Variants in PTPN21 observed in about 807,000 individuals in gnomAD.
PTPN21 encodes the protein protein tyrosine phosphatase non-receptor type 21.
A neutral mutation model predicts 131.8 loss-of-function variants in PTPN21; 77 were observed. The observed-to-expected ratio is 0.58, with a 90% CI of 0.49 to 0.71. The LOEUF (loss-of-function observed/expected upper bound fraction) is 0.71, where lower values mean the gene tolerates loss of function less well. Among genes scored for constraint, PTPN21 ranks in the 30% least tolerant of loss-of-function variants. The pLI is 0.00. For synonymous variants in PTPN21, 715 were observed against 621.3 expected, an observed-to-expected ratio of 1.15 and a Z score of -2.24; for missense variants, 1,552 against 1,527.1, an observed-to-expected ratio of 1.02 and a Z score of -0.27.
At chr14:88,474,131 C>CCAAAAAAAAAAAAAAAAA (rs1555382614) in intron 13 of PTPN21, among the ~76,000 whole-genome samples, 3 of 46,684 alleles carry the variant, frequency 6.4e-5, no homozygotes, top group African/African-American at 2.4e-4. Flanking sequence ...AGCTGAAGTC[C>CCAAAAAAAAAAAAAAAAA]AAAAAAAAAA....
At chr14:88,550,183 G>A in intron 2 of PTPN21, 55 bp downstream of exon 2, 1 of 1,541,670 alleles carries the variant, frequency 6.5e-7, no homozygotes, top group East Asian at 2.3e-5. Flanking sequence ...CAAAGTGCTG[G>A]GATTACAGGC....
intron 2 of PTPN21, among the ~76,000 whole-genome samples, chr14:88,519,691 GA>G (rs1315239099): frequency 3.9e-5 from 6 of 152,096 alleles, no homozygotes; most frequent in African/African-American, 1.4e-4. Flanking sequence ...AATTCAACAA[GA>G]GTGAAGAATG....
At chr14:88,549,061 C>A (rs1225358043) in intron 2 of PTPN21, among the ~76,000 whole-genome samples, 2 of 152,204 alleles carry the variant, frequency 1.3e-5, no homozygotes, top group African/African-American at 2.4e-5. Context: ...AGAACTCAAA[C>A]TGAGTTCAGG....
At chr14:88,524,369 G>A (rs2078444448) in intron 2 of PTPN21, among the ~76,000 whole-genome samples, 2 of 152,010 alleles carry the variant, frequency 1.3e-5, no homozygotes. Context: ...CAGTTAGTGG[G>A]GAAAAGAATA....
At chr14:88,537,123 T>G (rs910112963) in intron 2 of PTPN21, among the ~76,000 whole-genome samples, 3 of 152,202 alleles carry the variant, frequency 2.0e-5, no homozygotes, top group Non-Finnish European at 4.4e-5. Context: ...TATACTCTAT[T>G]ACAACTAAAT....
chr14:88,494,049 T>C (rs1164501956), intron 10 of PTPN21, among the ~76,000 whole-genome samples: 4 of 151,776 alleles, frequency 2.6e-5, no homozygotes, highest in Non-Finnish European at 4.4e-5. Context: ...CAAACAAATA[T>C]AGAAATTCAC....
chr14:88,486,054 G>T (rs2077727457), intron 10 of PTPN21, among the ~76,000 whole-genome samples: 1 of 151,334 alleles, frequency 6.6e-6, no homozygotes, highest in African/African-American at 2.5e-5. Context: ...AACCTGCCCT[G>T]TGGTTTCAGG....
rs182100595 is a variant in PTPN21 at position 88,483,542 on chromosome 14, A to C, written c.1078+1534T>G. The stretch of plus-strand genomic sequence containing the variant: ...CTTTTACACCAGGGCCGACACAAAC[A>C]ATACAGTCACATCCCACCTTCTGGT... On this transcript the variant is annotated intron_variant, in intron 12 of 18. Coordinates refer to ENST00000556564, the MANE Select transcript of PTPN21 (RefSeq NM_007039.4). Among the ~76,000 whole-genome samples, 161 of 152,196 alleles carry C rather than the reference A, an allele frequency of 1.1e-3. 2 individuals are homozygous for C. In the East Asian group the frequency reaches 0.023, roughly 22 times the overall value.
chr14:88,471,122 T>A (rs1436307286), intron 15 of PTPN21, among the ~76,000 whole-genome samples: 1 of 152,164 alleles, frequency 6.6e-6, no homozygotes, highest in South Asian at 2.1e-4. Flanking sequence ...CAAAATAGTA[T>A]GTGCATAGAT....
chr14:88,550,145 C>G (rs1369432624), intron 2 of PTPN21, 93 bp downstream of exon 2: 1 of 1,326,366 alleles, frequency 7.5e-7, no homozygotes, highest in Non-Finnish European at 1.0e-6. Flanking sequence ...AACTCCTGAC[C>G]TCAGGTGATC....
intron 2 of PTPN21, among the ~76,000 whole-genome samples, chr14:88,520,046 TG>T (rs1296104928): frequency 6.6e-6 from 1 of 152,180 alleles, no homozygotes; most frequent in Non-Finnish European, 1.5e-5. Flanking sequence ...AGGTATTTCT[TG>T]GGTCCTTTAA....
rs1408576877 is a variant in PTPN21 at position 88,550,381 on chromosome 14, G to A, written c.37C>T (p.Arg13Trp). 1.2e-6 allele frequency: 2 copies of A among 1,613,946 alleles called. No homozygotes were observed. Among genetic ancestry groups the A allele is most frequent in the Non-Finnish European group, 1.7e-6 (2 of 1,179,978 alleles). ...LPFGLKLKRT[R>W]RYTVSSKSCL... is the part of the protein sequence containing the mutation. ...CTCTTGCTGGACACCGTGTAGCGCCGGGTGCGTTTCAGTTTCAACCCAAAT... is the reference window on the plus strand; with the variant it reads ...CTCTTGCTGGACACCGTGTAGCGCCAGGTGCGTTTCAGTTTCAACCCAAAT... Residue 13 changes from arginine to tryptophan, a missense_variant, in exon 2 of 19, where the codon CGG becomes TGG. Transcript: ENST00000556564.
intron 10 of PTPN21, chr14:88,493,286 T>G (rs566827757): frequency 3.0e-6 from 1 of 335,818 alleles, no homozygotes. Flanking sequence ...ACTTTCAGAG[T>G]GGTGTCAAGG....
chr14:88,544,827 T>C (rs569641263), intron 2 of PTPN21, among the ~76,000 whole-genome samples: 1 of 152,174 alleles, frequency 6.6e-6, no homozygotes, highest in East Asian at 1.9e-4. Context: ...GTACTTTTTC[T>C]TTTCTTTTCT....
Position 88,496,508 on chromosome 14 carries a change from G to A in PTPN21, c.853-16C>T. Reference sequence around the variant, plus strand: ...CCATGTCTTCCTAGCAAACAAAATAGGCATAAAGCAATATGAAAGCACACA... The same window carrying A: ...CCATGTCTTCCTAGCAAACAAAATAAGCATAAAGCAATATGAAAGCACACA... On this transcript the variant is annotated splice_polypyrimidine_tract_variant and intron_variant, in intron 9 of 18. Transcript: ENST00000556564. 1 of 1,592,402 alleles carries A rather than the reference G, an allele frequency of 6.3e-7. No individual in the cohort carries two copies. The highest frequency in any genetic ancestry group is 8.6e-7 in the Non-Finnish European group (1 of 1,160,700).
intron 3 of PTPN21, chr14:88,514,875 C>CAT (rs1367115640): frequency 5.3e-5 from 8 of 152,098 alleles, no homozygotes; most frequent in African/African-American, 1.9e-4. Context: ...ACAATTTAGA[C>CAT]ACATATATAT....
chr14:88,468,184 CA>C lies in PTPN21; in HGVS notation c.3477del (p.Phe1159LeufsTer10), dbSNP rs2077394838. 1.2e-6 allele frequency: 2 copies of C among 1,613,274 alleles called. No individual in the cohort carries two copies. The highest frequency in any genetic ancestry group is 1.7e-6 in the Non-Finnish European group (2 of 1,179,412). ...AGGAACTGGATGAGGACTCTGTACACAAATGTGTACTGGCAGAGAGTCTGCA... is the reference window on the plus strand; with the variant it reads ...AGGAACTGGATGAGGACTCTGTACACAATGTGTACTGGCAGAGAGTCTGCA... ...MLVQTLCQYT[F>X]VYRVLIQFLK... On this transcript the variant is annotated frameshift_variant, in exon 19 of 19. Transcript: ENST00000556564. LOFTEE classifies it high-confidence loss of function.
chr14:88,517,429 T>G (rs940441574), intron 2 of PTPN21, among the ~76,000 whole-genome samples, 168 bp from the exon 3 acceptor site: 1 of 152,052 alleles, frequency 6.6e-6, no homozygotes, highest in Non-Finnish European at 1.5e-5. Flanking sequence ...AGGTAAGACC[T>G]ATCTGTAACT....
intron 2 of PTPN21, among the ~76,000 whole-genome samples, chr14:88,521,541 T>C (rs2139322270): frequency 6.6e-6 from 1 of 150,570 alleles, no homozygotes; most frequent in Admixed American, 6.7e-5. Context: ...TAGCTAGGAT[T>C]ACAGGCACCC....
Sources: gnomAD v4.1 joint callset for allele counts (sites outside exome capture counted in the v4.1 genomes callset) on GRCh38, gnomAD v4.1.1 for gene constraint, MANE v1.5 for transcripts, NCBI Gene and HGNC (gene_info 2026-07-23, HGNC 2026-07-21) for gene names.